LIPJ: variants seen among roughly 807,000 people sequenced by gnomAD.
LIPJ encodes lipase member J.
A neutral mutation model predicts 39.8 loss-of-function variants in LIPJ; 33 were observed. The ratio of observed to expected loss-of-function variants is 0.83; its 90% CI spans 0.63 to 1.11. The LOEUF (loss-of-function observed/expected upper bound fraction) is 1.11, where lower values mean the gene tolerates loss of function less well. Ranked by LOEUF, LIPJ falls within the 50% of genes least tolerant of loss-of-function variation. The probability of loss-of-function intolerance (pLI) is 0.00; values close to 1 mark genes in which losing one functional copy is unlikely to be tolerated. For missense variants in LIPJ, 422 were observed against 427.9 expected (o/e 0.99, Z 0.12); for synonymous variants, 128 against 139.2 (o/e 0.92, Z 0.57).
upstream of LIPJ, chr10:88,585,669 T>G (rs1850886023): frequency 6.6e-6 from 1 of 152,154 alleles, no homozygotes; most frequent in African/African-American, 2.4e-5. Flanking sequence ...AGTGGAGGGT[T>G]GTGTATCAAC....
downstream of LIPJ, among the ~76,000 whole-genome samples, chr10:88,610,930 G>C (rs768371244): frequency 6.6e-6 from 1 of 152,180 alleles, no homozygotes; most frequent in Non-Finnish European, 1.5e-5. Context: ...AGAAAACAGA[G>C]GAGAAAGTCT....
At chr10:88,608,323 T>G (rs530455430), downstream of LIPJ, among the ~76,000 whole-genome samples, 3 of 152,308 alleles carry the variant, frequency 2.0e-5, no homozygotes, top group Non-Finnish European at 4.4e-5. Context: ...GTGGAGGATG[T>G]TGTTAACGAG....
the LIPJ span, among the ~76,000 whole-genome samples, chr10:88,612,973 C>A: frequency 6.6e-6 from 1 of 152,098 alleles, no homozygotes; most frequent in African/African-American, 2.4e-5. Context: ...TCAAGATAGA[C>A]CATATGATAG....
downstream of LIPJ, among the ~76,000 whole-genome samples, chr10:88,609,512 T>C (rs1851724775): frequency 6.6e-6 from 1 of 152,284 alleles, no homozygotes; most frequent in East Asian, 1.9e-4. Context: ...TCTCTGATAA[T>C]GGTGGACTAA....
At chr10:88,601,471 T>G (rs1237397472) in intron 8 of LIPJ, among the ~76,000 whole-genome samples, 2 of 152,226 alleles carry the variant, frequency 1.3e-5, no homozygotes, top group African/African-American at 4.8e-5. Context: ...CCTGGTAATC[T>G]ATGGCCTTTA....
chr10:88,601,275 G>A (rs1011448727), intron 8 of LIPJ, among the ~76,000 whole-genome samples: 19 of 151,942 alleles, frequency 1.3e-4, no homozygotes, highest in Admixed American at 7.9e-4. Flanking sequence ...CAATCACCTC[G>A]CAAAGATCCC....
chr10:88,590,280 A>G (rs1246076081), intron 2 of LIPJ, among the ~76,000 whole-genome samples: 1 of 151,812 alleles, frequency 6.6e-6, no homozygotes, highest in Admixed American at 6.6e-5. Flanking sequence ...AATTTGTAAT[A>G]CATGATAAAG....
At chr10:88,597,518 T>G (rs1564935014) in intron 8 of LIPJ, among the ~76,000 whole-genome samples, 1 of 151,888 alleles carries the variant, frequency 6.6e-6, no homozygotes, top group African/African-American at 2.4e-5. Context: ...ACATCCAGAT[T>G]TGGCAGAAGC....
chr10:88,611,441 T>G (rs186366406), downstream of LIPJ, among the ~76,000 whole-genome samples: 268 of 152,210 alleles, frequency 1.8e-3, 2 homozygotes, highest in African/African-American at 6.3e-3. Flanking sequence ...GAAAAAGAAT[T>G]CAGAAAGTTG....
the LIPJ span, among the ~76,000 whole-genome samples, chr10:88,617,152 C>A: frequency 2.0e-5 from 3 of 152,026 alleles, no homozygotes; most frequent in African/African-American, 7.2e-5. Flanking sequence ...AACATGCTCT[C>A]GGGACAAGAC....
the LIPJ span, among the ~76,000 whole-genome samples, chr10:88,614,043 CA>C: frequency 6.6e-6 from 1 of 150,820 alleles, no homozygotes; most frequent in Admixed American, 6.6e-5. Context: ...AAAATGGAAA[CA>C]AAAGGCAACA....
intron 3 of LIPJ, 49 bp downstream of exon 3, chr10:88,590,745 T>A: frequency 6.8e-7 from 1 of 1,469,794 alleles, no homozygotes; most frequent in Non-Finnish European, 9.5e-7. Flanking sequence ...CAGAGAATGC[T>A]ACTTTTCAAA....
At chr10:88,606,874 T>C (rs755294077) in exon 11 of LIPJ, 2 of 1,586,006 alleles carry the variant, frequency 1.3e-6, no homozygotes, top group Non-Finnish European at 1.7e-6. Context: ...AAGTTTACCA[T>C]GAAATCATTG....
chr10:88,594,428 C>G, intron 5 of LIPJ: 1 of 463,852 alleles, frequency 2.2e-6, no homozygotes, highest in East Asian at 3.5e-5. Flanking sequence ...TATATTTTGT[C>G]TACCCTACTC....
intron 8 of LIPJ, among the ~76,000 whole-genome samples, chr10:88,601,951 G>T (rs1473778645): frequency 6.6e-6 from 1 of 152,084 alleles, no homozygotes; most frequent in Non-Finnish European, 1.5e-5. Context: ...TACATGTCTG[G>T]TTCACTGAGG....
the LIPJ span, among the ~76,000 whole-genome samples, chr10:88,613,782 A>G: frequency 8.4e-5 from 4 of 47,706 alleles, no homozygotes; most frequent in African/African-American, 3.3e-4. Flanking sequence ...ATATATATAT[A>G]TATATATATA....
chr10:88,600,664 G>C (rs1380222877), intron 8 of LIPJ, among the ~76,000 whole-genome samples: 1 of 152,132 alleles, frequency 6.6e-6, no homozygotes, highest in Non-Finnish European at 1.5e-5. Context: ...TCTATGACTA[G>C]GAATGATTGC....
intron 4 of LIPJ, 160 bp downstream of exon 4, chr10:88,591,658 AAGATACACCGG>A: frequency 2.0e-6 from 1 of 494,672 alleles, no homozygotes; most frequent in East Asian, 3.6e-5. Flanking sequence ...GTCACACAAG[AAGATACACCGG>A]CCTTCTGGTC....
intron 2 of LIPJ, among the ~76,000 whole-genome samples, chr10:88,589,666 T>C (rs1272799777): frequency 6.6e-6 from 1 of 151,880 alleles, no homozygotes; most frequent in African/African-American, 2.4e-5. Context: ...GAAAGACATA[T>C]CAAGTATGTG....
Sources: allele counts gnomAD v4.1 joint callset (sites outside exome capture counted in the v4.1 genomes callset), GRCh38; gene constraint gnomAD v4.1.1; transcripts MANE v1.5; gene names NCBI Gene and HGNC (gene_info 2026-07-23, HGNC 2026-07-21).